The following ETNPPL variants were observed in gnomAD, a reference collection of about 807,000 sequenced individuals.
ETNPPL encodes the protein ethanolamine-phosphate phospho-lyase, also known as alanine--glyoxylate aminotransferase 2-like 1.
Under a neutral mutation model 55.5 loss-of-function variants are expected in ETNPPL, and 30 were observed. That is an observed-to-expected ratio of 0.54 (90% CI 0.40 to 0.73). The LOEUF is 0.73. Ranked by LOEUF, ETNPPL falls within the 30% of genes least tolerant of loss-of-function variation. The pLI, the probability that ETNPPL is intolerant of heterozygous loss-of-function variation, is 0.00. For synonymous variants in ETNPPL, 202 were observed against 207.2 expected (o/e 0.98, Z 0.21); for missense variants, 528 against 607.9 (o/e 0.87, Z 1.38).
chr4:108,750,886 T>C (rs1293395802), intron 7 of ETNPPL, 50 bp downstream of exon 7: 1 of 1,289,262 alleles, frequency 7.8e-7, no homozygotes, highest in Non-Finnish European at 1.1e-6. Flanking sequence ...CCCTACAGAA[T>C]TGTCACAGTG....
At chr4:108,757,788 A>T (rs1294102763) in intron 3 of ETNPPL, among the ~76,000 whole-genome samples, 2 of 151,740 alleles carry the variant, frequency 1.3e-5, no homozygotes, top group African/African-American at 4.8e-5. Context: ...AAAATACAAA[A>T]ATTAGCCCAG....
chr4:108,749,742 T>G (rs1419120611), intron 7 of ETNPPL, among the ~76,000 whole-genome samples: 2 of 152,254 alleles, frequency 1.3e-5, no homozygotes, highest in Non-Finnish European at 2.9e-5. Flanking sequence ...GGGGTCTCAC[T>G]CTGTTGCCCA....
intron 6 of ETNPPL, among the ~76,000 whole-genome samples, 192 bp from the exon 7 acceptor site, chr4:108,751,210 C>T (rs1283094177): frequency 2.0e-5 from 3 of 152,162 alleles, no homozygotes; most frequent in Non-Finnish European, 4.4e-5. Context: ...AAAGCATTAA[C>T]TTCTGAAAAT....
At chr4:108,744,561 G>C (rs1728374228) in intron 11 of ETNPPL, among the ~76,000 whole-genome samples, 1 of 151,968 alleles carries the variant, frequency 6.6e-6, no homozygotes, top group Admixed American at 6.6e-5. Flanking sequence ...TGCTCTCTGA[G>C]TCCAAAGACA....
intron 12 of ETNPPL, 126 bp downstream of exon 12, chr4:108,743,663 T>C (rs6533381): frequency 0.99 from 698,505 of 705,304 alleles, 346,140 homozygotes; most frequent in East Asian, 1. Context: ...CAACAATAAG[T>C]GAACCTAATA....
At chr4:108,758,233 A>G (rs1427203278) in intron 3 of ETNPPL, among the ~76,000 whole-genome samples, 1 of 151,526 alleles carries the variant, frequency 6.6e-6, no homozygotes, top group African/African-American at 2.4e-5. Context: ...CTCGTGATCC[A>G]CCCTCCTTGG....
intron 1 of ETNPPL, chr4:108,762,566 C>T (rs1729560500): frequency 3.2e-6 from 2 of 630,654 alleles, no homozygotes; most frequent in African/African-American, 1.8e-5. Flanking sequence ...TCCACCAACC[C>T]CTCTAGCCGG....
chr4:108,751,504 T>C (rs1302552294), intron 6 of ETNPPL, among the ~76,000 whole-genome samples: 1 of 152,204 alleles, frequency 6.6e-6, no homozygotes, highest in African/African-American at 2.4e-5. Flanking sequence ...GCCGTATTTC[T>C]AGGTTTTGCC....
intron 10 of ETNPPL, 73 bp from the exon 11 acceptor site, chr4:108,746,602 A>G: frequency 6.5e-7 from 1 of 1,547,480 alleles, no homozygotes; most frequent in Non-Finnish European, 8.8e-7. Context: ...ATGTGAACAT[A>G]GAGCAGTTTA....
rs370245924 is a variant in ETNPPL, at chr4:108,746,839, A to G, written c.1095T>C (p.Leu365=). The change falls in exon 10 of 13, where the codon CTT becomes CTC. Residue 365 remains leucine, a synonymous_variant. Transcript: ENST00000296486. ...TLIGDIRGIG[L]FIGIDLVKDH... ...CCTTCACTAAATCAATTCCAATAAA[A>G]AGGCCAATGCCCCTGCGAGAGGTGA... 24 of 1,613,238 alleles carry G rather than the reference A, an allele frequency of 1.5e-5. No homozygotes were observed. In the African/African-American group the frequency reaches 3.1e-4, roughly 21 times the overall value.
chr4:108,750,819 G>C, intron 7 of ETNPPL, 117 bp downstream of exon 7: 3 of 753,904 alleles, frequency 4.0e-6, no homozygotes, highest in Non-Finnish European at 7.0e-6. Flanking sequence ...AGGCACTCAG[G>C]TGTGGCTATT....
rs142495384 is a variant in ETNPPL at position 108,746,429 on chromosome 4, T to C, written c.1273A>G (p.Met425Val). 11 of 1,613,930 alleles carry C rather than the reference T, an allele frequency of 6.8e-6. No individual in the cohort carries two copies. The highest frequency in any genetic ancestry group is 9.3e-6 in the Non-Finnish European group (11 of 1,180,006). ...AGAATCCTATCAAGTTGGTCCACCA[T>C]GAACTTTGCATCTTCTTCAGTGAAG... Reference protein sequence around the residue: ...MCFTEEDAKFMVDQLDRILTV... With the variant: ...MCFTEEDAKFVVDQLDRILTV... Residue 425 changes from methionine to valine, a missense_variant, in exon 11 of 13, where the codon ATG (methionine) becomes GTG (valine). Transcript: ENST00000296486.
chr4:108,754,731 A>G lies in ETNPPL; in HGVS notation c.411-21T>C, dbSNP rs79035518. On this transcript the variant is annotated intron_variant, in intron 4 of 12. Coordinates refer to ENST00000296486, the MANE Select transcript of ETNPPL (RefSeq NM_031279.4). ...AAGCACTGAAGAGACAAAGAAAAAA[A>G]AGCAGTAATCAAAATAATTCCAAGA... 960 of 1,338,908 alleles carry G rather than the reference A, an allele frequency of 7.2e-4. 4 individuals carry two copies. The African/African-American group carries it at 0.012, about 17-fold the overall frequency. 82.9% of individuals were successfully genotyped at this position (1,338,908 alleles called of 1,614,324 possible). A position where few individuals can be genotyped will look rare whatever the true frequency, so the allele number is the denominator to read the frequency against.
chr4:108,742,937 T>C (rs1728290083), intron 12 of ETNPPL, among the ~76,000 whole-genome samples: 1 of 152,184 alleles, frequency 6.6e-6, no homozygotes, highest in Admixed American at 6.5e-5. Flanking sequence ...GAACCAGTGG[T>C]TACAGCTGTG....
Position 108,749,345 on chromosome 4 carries a change from C to T in ETNPPL, c.820G>A (p.Val274Ile), listed in dbSNP as rs765723050. The change falls in exon 8 of 13, where the codon GTC (valine) becomes ATC (isoleucine). Residue 274 changes from valine to isoleucine, a missense_variant. Physicochemically the swap from Val to Ile is conservative, Grantham distance 29 (BLOSUM62 3). Coordinates refer to ENST00000296486, the MANE Select transcript of ETNPPL (RefSeq NM_031279.4). ...TTGCCCATCGGTTTTCCCATTGTGA[C>T]GATGTCTGGAACAAAGTCTTCACCA... is the stretch of plus-strand genomic sequence containing the variant. ...MYGEDFVPDI[V>I]TMGKPMGNGH... is the part of the protein sequence containing the mutation. 19 of 1,613,974 alleles carry T rather than the reference C, an allele frequency of 1.2e-5. No individual in the cohort carries two copies. Among genetic ancestry groups the T allele is most frequent in the East Asian group, 6.7e-5 (3 of 44,866 alleles).
intron 3 of ETNPPL, among the ~76,000 whole-genome samples, chr4:108,758,438 T>C (rs1025355455): frequency 2.0e-5 from 3 of 152,168 alleles, no homozygotes; most frequent in African/African-American, 7.2e-5. Flanking sequence ...GGATATATAA[T>C]GATTTGAATT....
chr4:108,746,863 G>A lies in ETNPPL; in HGVS notation c.1083-12C>T, dbSNP rs954719475. On this transcript the variant is annotated splice_polypyrimidine_tract_variant and intron_variant, in intron 9 of 12. Coordinates refer to ENST00000296486, the MANE Select transcript of ETNPPL (RefSeq NM_031279.4). ...AAAGGCCAATGCCCCTGCGAGAGGT[G>A]AAGAAAAACTTGACCCACAATCTGT... is the stretch of plus-strand genomic sequence containing the variant. The A allele has an allele frequency of 6.3e-7, 1 of 1,599,558 alleles. No individual in the cohort carries two copies. Among genetic ancestry groups the A allele is most frequent in the Admixed American group, 1.7e-5 (1 of 59,862 alleles).
At position 108,750,979 on chromosome 4, in the gene ETNPPL, C is replaced by T. The variant is rs747717559; in HGVS notation, c.658G>A (p.Gly220Arg). The T allele has an allele frequency of 1.2e-5, 19 of 1,613,312 alleles. No homozygotes were observed. The highest frequency in any genetic ancestry group is 2.7e-5 in the African/African-American group (2 of 74,916). The change falls in exon 7 of 13, where the codon GGA becomes AGA. Residue 220 changes from glycine to arginine, a missense_variant. Coordinates refer to ENST00000296486, the MANE Select transcript of ETNPPL (RefSeq NM_031279.4). ...TAGCCTGCTGGAGGAATTATTTGTC[C>T]GCCACAACTCTGCATGGATTCAGCA... ...FIAESMQSCGGQIIPPAGYFQ... is the reference protein window; with the variant it reads ...FIAESMQSCGRQIIPPAGYFQ...
At chr4:108,754,738 A>G in intron 4 of ETNPPL, 28 bp from the exon 5 acceptor site, 1 of 1,222,822 alleles carries the variant, frequency 8.2e-7, no homozygotes, top group Non-Finnish European at 1.2e-6. Context: ...AAAAAGCAGT[A>G]ATCAAAATAA....
Sources: allele counts gnomAD v4.1 joint callset (sites outside exome capture counted in the v4.1 genomes callset), GRCh38; gene constraint gnomAD v4.1.1; transcripts MANE v1.5; gene names NCBI Gene and HGNC (gene_info 2026-07-23, HGNC 2026-07-21).